Variants in GCNT4 observed in about 807,000 individuals in gnomAD.
GCNT4 encodes beta-1,3-galactosyl-O-glycosyl-glycoprotein beta-1,6-N-acetylglucosaminyltransferase 4.
Under a neutral mutation model 31.3 loss-of-function variants are expected in GCNT4, and 17 were observed. The ratio of observed to expected loss-of-function variants is 0.54; its 90% CI spans 0.37 to 0.81. GCNT4 has a LOEUF of 0.81. Among genes scored for constraint, GCNT4 ranks in the 40% least tolerant of loss-of-function variants. GCNT4 has a pLI of 0.00. For synonymous variants in GCNT4, 158 were observed against 190.6 expected (o/e 0.83, Z 1.41); for missense variants, 503 against 525.5 (o/e 0.96, Z 0.42).
At chr5:75,021,369 C>G (rs905185861), downstream of GCNT4, among the ~76,000 whole-genome samples, 2 of 152,186 alleles carry the variant, frequency 1.3e-5, no homozygotes, top group Non-Finnish European at 2.9e-5. Flanking sequence ...CCCTGATTAG[C>G]CCCGTTTAGA....
At chr5:75,050,754 C>G (rs1205910100) in intron 2 of GCNT4, among the ~76,000 whole-genome samples, 1 of 146,530 alleles carries the variant, frequency 6.8e-6, no homozygotes, top group African/African-American at 2.4e-5. Flanking sequence ...TCACACCCTA[C>G]ACAAAACTCA....
At chr5:75,045,998 T>C (rs1271642491) in intron 3 of GCNT4, among the ~76,000 whole-genome samples, 1 of 152,244 alleles carries the variant, frequency 6.6e-6, no homozygotes, top group Non-Finnish European at 1.5e-5. Context: ...CAATGAATGA[T>C]GTTCAATTCA....
chr5:75,041,833 G>C (rs1157088530), intron 3 of GCNT4, among the ~76,000 whole-genome samples: 2 of 152,202 alleles, frequency 1.3e-5, no homozygotes, highest in East Asian at 3.8e-4. Flanking sequence ...GCTGGGCAAA[G>C]ATACATGGCT....
chr5:75,028,929 T>C lies in GCNT4; in HGVS notation c.1109A>G (p.Lys370Arg), dbSNP rs757421470. Residue 370 changes from lysine (K) to arginine (R), a missense_variant, in exon 4 of 4, where the codon AAG becomes AGG. Lys to Arg is a conservative substitution (Grantham distance 26). Coordinates refer to ENST00000652361, the MANE Select transcript of GCNT4 (RefSeq NM_001366737.1). ...SDLQSKTRLVKWNYYEGFFYP... is the reference protein window; with the variant it reads ...SDLQSKTRLVRWNYYEGFFYP... ...GAAAAAGCCTTCATAGTAATTCCAC[T>C]TGACAAGGCGAGTCTTACTCTGCAG... 1.9e-6 allele frequency: 3 copies of C among 1,613,840 alleles called. No individual in the cohort carries two copies. Among genetic ancestry groups the C allele is most frequent in the African/African-American group, 1.3e-5 (1 of 74,904 alleles).
At chr5:75,022,970 C>A (rs183403240), downstream of GCNT4, among the ~76,000 whole-genome samples, 1 of 152,144 alleles carries the variant, frequency 6.6e-6, no homozygotes, top group African/African-American at 2.4e-5. Context: ...GATGTCCCAC[C>A]CAGTGACTTA....
At chr5:75,035,751 A>C (rs1743183930) in intron 3 of GCNT4, among the ~76,000 whole-genome samples, 1 of 152,168 alleles carries the variant, frequency 6.6e-6, no homozygotes, top group African/African-American at 2.4e-5. Flanking sequence ...AGGGATGGGC[A>C]GGCCGCCATC....
At chr5:75,037,972 A>G (rs1173822550) in intron 3 of GCNT4, among the ~76,000 whole-genome samples, 1 of 151,970 alleles carries the variant, frequency 6.6e-6, no homozygotes, top group Non-Finnish European at 1.5e-5. Context: ...AAAAATCAGA[A>G]AAGTCCAAAA....
chr5:75,028,248 A>C lies in GCNT4; in HGVS notation c.*428T>G, dbSNP rs73122563. On this transcript the variant is annotated 3_prime_UTR_variant, in exon 4 of 4. Coordinates refer to ENST00000652361, the MANE Select transcript of GCNT4 (RefSeq NM_001366737.1). ...GTGTTGGTCACAGTACTTAAACACT[A>C]CTCTGAAATGGGTGGTTTATATGAT... The C allele has an allele frequency of 0.047, 7,749 of 164,124 alleles. 644 individuals carry two copies. The highest frequency in any genetic ancestry group is 0.17 in the African/African-American group (7,219 of 41,522). The allele number at this position is 164,124 out of a possible 1,614,324, so 10.2% of individuals were successfully genotyped here.
At chr5:75,042,587 T>C (rs1743345936) in intron 3 of GCNT4, among the ~76,000 whole-genome samples, 1 of 152,208 alleles carries the variant, frequency 6.6e-6, no homozygotes, top group South Asian at 2.1e-4. Flanking sequence ...TCAAGGGTAT[T>C]GATGTCAGAA....
At chr5:75,038,069 AT>A (rs202239305) in intron 3 of GCNT4, among the ~76,000 whole-genome samples, 35 of 147,934 alleles carry the variant, frequency 2.4e-4, no homozygotes, top group Admixed American at 5.4e-4. Context: ...TAAGAAACAC[AT>A]TTTTTTTTTG....
intron 3 of GCNT4, among the ~76,000 whole-genome samples, chr5:75,040,620 A>C (rs1440607007): frequency 6.6e-6 from 1 of 152,216 alleles, no homozygotes; most frequent in Non-Finnish European, 1.5e-5. Flanking sequence ...TGAAAGTCTT[A>C]TGATGTAATG....
intron 3 of GCNT4, among the ~76,000 whole-genome samples, chr5:75,043,736 G>A (rs1743372819): frequency 6.6e-6 from 1 of 152,160 alleles, no homozygotes; most frequent in Non-Finnish European, 1.5e-5. Context: ...GCCCTTATAT[G>A]TTTAAGCAAC....
At chr5:75,019,041 C>G in the GCNT4 span, among the ~76,000 whole-genome samples, 1 of 152,166 alleles carries the variant, frequency 6.6e-6, no homozygotes, top group African/African-American at 2.4e-5. Context: ...TACTTTGTTG[C>G]TATAGACTGA....
rs977853823 is a variant in GCNT4 at position 75,026,752 on chromosome 5, G to A, written c.*1924C>T. ...AACTGAGGTTCATAGAGACCAAAGT[G>A]ACTTACCTGTCCACAGTCGCACACG... is the stretch of plus-strand genomic sequence containing the variant. On this transcript the variant is annotated 3_prime_UTR_variant, in exon 4 of 4. Transcript: ENST00000652361. The A allele has an allele frequency of 6.6e-6, 1 of 150,902 alleles. No homozygotes were observed. The highest frequency in any genetic ancestry group is 2.4e-5 in the African/African-American group (1 of 40,944). The allele number at this position is 150,902 out of a possible 1,614,324, so 9.3% of individuals were successfully genotyped here.
intron 3 of GCNT4, among the ~76,000 whole-genome samples, chr5:75,035,417 G>T (rs1275192556): frequency 6.6e-6 from 1 of 152,182 alleles, no homozygotes; most frequent in East Asian, 1.9e-4. Flanking sequence ...CTTTTTTCAG[G>T]AACAGGTTGT....
At chr5:75,049,068 T>C (rs1298184795) in intron 2 of GCNT4, among the ~76,000 whole-genome samples, 1 of 152,234 alleles carries the variant, frequency 6.6e-6, no homozygotes, top group Non-Finnish European at 1.5e-5. Flanking sequence ...TAAGACCCGA[T>C]GGCCTGTTTC....
At chr5:75,041,791 C>T (rs1352301020) in intron 3 of GCNT4, among the ~76,000 whole-genome samples, 1 of 152,106 alleles carries the variant, frequency 6.6e-6, no homozygotes, top group African/African-American at 2.4e-5. Context: ...GTCCACAGGG[C>T]AAATATCAAA....
intron 3 of GCNT4, among the ~76,000 whole-genome samples, chr5:75,032,129 C>T (rs1743077206): frequency 6.6e-6 from 1 of 152,096 alleles, no homozygotes; most frequent in Non-Finnish European, 1.5e-5. Context: ...TCACCACCAT[C>T]AACTGTACTG....
chr5:75,022,990 C>T (rs1382446083), downstream of GCNT4, among the ~76,000 whole-genome samples: 1 of 152,164 alleles, frequency 6.6e-6, no homozygotes, highest in Non-Finnish European at 1.5e-5. Context: ...AGGCTTTAAA[C>T]TCATTTGCCC....
Sources: gnomAD v4.1 joint callset for allele counts (sites outside exome capture counted in the v4.1 genomes callset) on GRCh38, gnomAD v4.1.1 for gene constraint, MANE v1.5 for transcripts, NCBI Gene and HGNC (gene_info 2026-07-23, HGNC 2026-07-21) for gene names.